Variants in TMEM8B observed in about 807,000 individuals in gnomAD.
The protein encoded by TMEM8B is transmembrane protein 8B.
A neutral mutation model predicts 49.3 loss-of-function variants in TMEM8B; 29 were observed. The observed-to-expected ratio is 0.59, with a 90% CI of 0.44 to 0.80. TMEM8B has a LOEUF of 0.80. TMEM8B is among the 30% of genes least tolerant of loss of function. The pLI is 0.00. For synonymous variants in TMEM8B, 264 were observed against 272.8 expected (o/e 0.97, Z 0.32); for missense variants, 575 against 658.5 (o/e 0.87, Z 1.39).
In TMEM8B at chr9:35,846,314, C is replaced by T. The variant is rs1483745647; in HGVS notation, c.1786C>T (p.Arg596Ter). The change falls in exon 8 of 13, where the codon CGA becomes TGA. Residue 596 changes from arginine to a stop codon, truncating the protein, a stop_gained. Coordinates refer to ENST00000643932, the MANE Select transcript of TMEM8B (RefSeq NM_001042590.4). LOFTEE classifies it high-confidence loss of function. ...VSATTRVARL[R>*]IPFPQTGTWF... ...TGCCACCACCAGGGTTGCCAGGCTG[C>T]GAATCCCATTCCCGCAGACGGGGAC... 6.2e-7 allele frequency: 1 copy of T among 1,614,196 alleles called. No individual in the cohort carries two copies. Among genetic ancestry groups the T allele is most frequent in the South Asian group, 1.1e-5 (1 of 91,090 alleles).
chr9:35,840,143 G>A (rs1588143231), intron 3 of TMEM8B, among the ~76,000 whole-genome samples: 1 of 152,338 alleles, frequency 6.6e-6, no homozygotes, highest in African/African-American at 2.4e-5. Flanking sequence ...ATGGGACTGA[G>A]CTTACTGGAG....
chr9:35,848,647 G>A (rs1427861127), intron 10 of TMEM8B, among the ~76,000 whole-genome samples: 1 of 151,276 alleles, frequency 6.6e-6, no homozygotes, highest in Non-Finnish European at 1.5e-5. Flanking sequence ...CACATAAAAA[G>A]CTCCCGGTTT....
intron 10 of TMEM8B, chr9:35,847,311 G>A (rs1036215791): frequency 3.3e-5 from 22 of 676,506 alleles, no homozygotes; most frequent in Middle Eastern, 3.4e-4. Context: ...CTGGCCTAAA[G>A]TATGGATTTG....
chr9:35,850,555 A>C (rs1399002335), intron 10 of TMEM8B, among the ~76,000 whole-genome samples: 1 of 152,232 alleles, frequency 6.6e-6, no homozygotes, highest in Non-Finnish European at 1.5e-5. Context: ...TTGACCTTTT[A>C]GTATACCTGG....
At position 35,854,618 on chromosome 9, in the gene TMEM8B, C is replaced by T. The variant is rs749345153; in HGVS notation, c.*778C>T. 2.6e-5 allele frequency: 4 copies of T among 152,174 alleles called. No individual in the cohort carries two copies. Among genetic ancestry groups the T allele is most frequent in the Non-Finnish European group, 4.4e-5 (3 of 68,166 alleles). 9.4% of individuals were successfully genotyped at this position (152,174 alleles called of 1,614,324 possible). A position where few individuals can be genotyped will look rare whatever the true frequency, so the allele number is the denominator to read the frequency against. On this transcript the variant is annotated 3_prime_UTR_variant, in exon 13 of 13. Transcript: ENST00000643932. ...TAAACAGTTTCTAATGCCTATTCCC[C>T]AATTCCTATTGAGCCCGATTTGCAG...
In TMEM8B at chr9:35,858,072, C is replaced by G. The variant is rs1019640393; in HGVS notation, c.*4232C>G. ...GATGAGCAACATGGGGGTGCCCTCA[C>G]TGTGTCTGGTGCTGTTCCATTTTTT... On this transcript the variant is annotated 3_prime_UTR_variant, in exon 13 of 13. Coordinates refer to ENST00000643932, the MANE Select transcript of TMEM8B (RefSeq NM_001042590.4). The G allele has an allele frequency of 2.6e-5, 4 of 152,212 alleles. No individual in the cohort carries two copies. In the South Asian group the frequency reaches 6.2e-4, roughly 24 times the overall value. 9.4% of individuals were successfully genotyped at this position (152,212 alleles called of 1,614,324 possible).
Position 35,858,994 on chromosome 9 carries a change from A to G in TMEM8B, c.*5154A>G, listed in dbSNP as rs1410427871. 5.2e-5 allele frequency: 8 copies of G among 152,708 alleles called. No homozygotes were observed. The allele number at this position is 152,708 out of a possible 1,614,324, so 9.5% of individuals were successfully genotyped here. On this transcript the variant is annotated 3_prime_UTR_variant, in exon 13 of 13. Transcript: ENST00000643932. The stretch of plus-strand genomic sequence containing the variant: ...CCTCTCAAGGTTTGAGGTCATGACC[A>G]CAGCACAACCTAGCCTATGCCAGCT...
In TMEM8B at chr9:35,862,192, C is replaced by G. The variant is rs1348017408; in HGVS notation, c.*8352C>G. On this transcript the variant is annotated 3_prime_UTR_variant, in exon 13 of 13. Coordinates refer to ENST00000643932, the MANE Select transcript of TMEM8B (RefSeq NM_001042590.4). ...AGCAGAGACAGACCTGGCTCCTGCC[C>G]TCATGGAGTTTGCAGTCATTCATTC... The G allele has an allele frequency of 6.6e-6, 1 of 152,282 alleles. No homozygotes were observed. The highest frequency in any genetic ancestry group is 1.9e-4 in the East Asian group (1 of 5,204). 9.4% of individuals were successfully genotyped at this position (152,282 alleles called of 1,614,324 possible).
At chr9:35,830,699 C>T (rs1829790009) in intron 1 of TMEM8B, among the ~76,000 whole-genome samples, 1 of 152,038 alleles carries the variant, frequency 6.6e-6, no homozygotes, top group Non-Finnish European at 1.5e-5. Flanking sequence ...GAAAAATAGA[C>T]CCAAGTGGGG....
At position 35,854,677 on chromosome 9, in the gene TMEM8B, TATGTATGTATACG is replaced by T. The variant is rs1392287990; in HGVS notation, c.*838_*850del. The T allele has an allele frequency of 1.3e-5, 2 of 152,138 alleles. No individual in the cohort carries two copies. Among genetic ancestry groups the T allele is most frequent in the Non-Finnish European group, 2.9e-5 (2 of 68,042 alleles). The allele number at this position is 152,138 out of a possible 1,614,324, so 9.4% of individuals were successfully genotyped here. A position where few individuals can be genotyped will look rare whatever the true frequency, so the allele number is the denominator to read the frequency against. On this transcript the variant is annotated 3_prime_UTR_variant, in exon 13 of 13. Transcript: ENST00000643932. The stretch of plus-strand genomic sequence containing the variant: ...GGGTGTGTGTGTGTGTGTGTGTGTT[TATGTATGTATACG>T]TATGCTGAGATGATTTAAATCAGTG...
At position 35,857,882 on chromosome 9, in the gene TMEM8B, A is replaced by G. The variant is rs2132424586; in HGVS notation, c.*4042A>G. 6.6e-6 allele frequency: 1 copy of G among 152,306 alleles called. No individual in the cohort carries two copies. Among genetic ancestry groups the G allele is most frequent in the Middle Eastern group, 3.4e-3 (1 of 298 alleles). 9.4% of individuals were successfully genotyped at this position (152,306 alleles called of 1,614,324 possible). A position where few individuals can be genotyped will look rare whatever the true frequency, so the allele number is the denominator to read the frequency against. ...GGCACACTAGAATCCAGAAGGACAAACTGGAACCTGTGCCTGGCTCTTATG... is the reference window on the plus strand; with the variant it reads ...GGCACACTAGAATCCAGAAGGACAAGCTGGAACCTGTGCCTGGCTCTTATG... On this transcript the variant is annotated 3_prime_UTR_variant, in exon 13 of 13. Transcript: ENST00000643932.
chr9:35,846,372 T>TGGGGCCTCGGTGAGCGGTGCGGGGC lies in TMEM8B; in HGVS notation c.1851_1853+22dup. The TGGGGCCTCGGTGAGCGGTGCGGGGC allele has an allele frequency of 3.1e-6, 5 of 1,612,916 alleles. No homozygotes were observed. The highest frequency in any genetic ancestry group is 4.2e-6 in the Non-Finnish European group (5 of 1,179,648). On this transcript the variant is annotated stop_gained and frameshift_variant, in exon 8 of 13. Coordinates refer to ENST00000643932, the MANE Select transcript of TMEM8B (RefSeq NM_001042590.4). LOFTEE classifies it high-confidence loss of function. ...CTGGCCCTCCGCTCCCTGTGCGGGG[T>TGGGGCCTCGGTGAGCGGTGCGGGGC]GGGGCCTCGGTGAGCGGTGCGGGGC...
Position 35,848,225 on chromosome 9 carries a change from T to G in TMEM8B, c.2175+1230T>G, listed in dbSNP as rs567606992. ...ATGCTGCAGAGAGAGATCTTGGCCC[T>G]TTAAGCTGGGTGAGAAGCATATACC... On this transcript the variant is annotated intron_variant, in intron 10 of 12. Transcript: ENST00000643932. Among the ~76,000 whole-genome samples the G allele has an allele frequency of 2.0e-5, 3 of 152,302 alleles. No homozygotes were observed. The East Asian group carries it at 5.8e-4, about 29-fold the overall frequency.
intron 6 of TMEM8B, chr9:35,845,683 A>G (rs1456506992): frequency 2.9e-5 from 29 of 985,318 alleles, no homozygotes; most frequent in Non-Finnish European, 3.4e-5. Context: ...ACTGAAAAAG[A>G]GGGTGTTCTC....
intron 6 of TMEM8B, among the ~76,000 whole-genome samples, chr9:35,843,719 T>C (rs1401179383): frequency 3.3e-5 from 5 of 152,208 alleles, no homozygotes; most frequent in Non-Finnish European, 7.3e-5. Context: ...TAGGATCACA[T>C]AAAAACTTTG....
intron 3 of TMEM8B, among the ~76,000 whole-genome samples, chr9:35,840,050 A>C (rs1014859814): frequency 3.9e-5 from 6 of 152,150 alleles, no homozygotes; most frequent in African/African-American, 1.4e-4. Flanking sequence ...GTATGTCCTA[A>C]TTAGGAGCCC....
chr9:35,852,829 C>A lies in TMEM8B; in HGVS notation c.2178C>A (p.Phe726Leu). 6.2e-7 allele frequency: 1 copy of A among 1,614,172 alleles called. No homozygotes were observed. Among genetic ancestry groups the A allele is most frequent in the Non-Finnish European group, 8.5e-7 (1 of 1,180,028 alleles). The change falls in exon 11 of 13, where the codon TTC becomes TTA. Residue 726 changes from phenylalanine to leucine, a missense_variant and splice_region_variant. Physicochemically the swap from Phe to Leu is conservative, Grantham distance 22. Coordinates refer to ENST00000643932, the MANE Select transcript of TMEM8B (RefSeq NM_001042590.4). Reference sequence around the variant, plus strand: ...ATGCCTGTCATTTCTTCCTTCAGTTCTATCATGCCTGTGACCAGCCAGGCA... The same window carrying A: ...ATGCCTGTCATTTCTTCCTTCAGTTATATCATGCCTGTGACCAGCCAGGCA... ...VYTFTMFFSTFYHACDQPGIV... is the reference protein window; with the variant it reads ...VYTFTMFFSTLYHACDQPGIV...
rs1051935556 is a variant in TMEM8B at position 35,829,286 on chromosome 9, G to T, written c.-162G>T. ...GCCTGGTTATCGCCGGTTCAGCGCA[G>T]CCCGGAGTCGCCCAGGCCTGAACTC... On this transcript the variant is annotated 5_prime_UTR_variant, in exon 1 of 13. Coordinates refer to ENST00000643932, the MANE Select transcript of TMEM8B (RefSeq NM_001042590.4). 3 of 362,310 alleles carry T rather than the reference G, an allele frequency of 8.3e-6. No individual in the cohort carries two copies. The highest frequency in any genetic ancestry group is 2.9e-4 in the South Asian group (2 of 6,790). 22.4% of individuals were successfully genotyped at this position (362,310 alleles called of 1,614,324 possible).
chr9:35,834,238 G>C (rs1212459518), intron 1 of TMEM8B, among the ~76,000 whole-genome samples: 1 of 152,064 alleles, frequency 6.6e-6, no homozygotes, highest in African/African-American at 2.4e-5. Flanking sequence ...TGTAAAAGGA[G>C]GGTTTTTTTG....
Sources: gnomAD v4.1 joint callset for allele counts (sites outside exome capture counted in the v4.1 genomes callset) on GRCh38, gnomAD v4.1.1 for gene constraint, MANE v1.5 for transcripts, NCBI Gene and HGNC (gene_info 2026-07-23, HGNC 2026-07-21) for gene names.